The following RARS2 variants were observed in gnomAD, a reference collection of about 807,000 sequenced individuals.
RARS2 encodes the protein arginyl-tRNA synthetase 2, mitochondrial, also known as probable arginine--tRNA ligase, mitochondrial.
Under a neutral mutation model 88.5 loss-of-function variants are expected in RARS2, and 67 were observed. The ratio of observed to expected loss-of-function variants is 0.76; its 90% CI spans 0.62 to 0.93. RARS2 has a LOEUF of 0.93. Among genes scored for constraint, RARS2 ranks in the 40% least tolerant of loss-of-function variants. The probability of loss-of-function intolerance (pLI) is 0.00; values close to 1 mark genes in which losing one functional copy is unlikely to be tolerated. For missense variants in RARS2, 664 were observed against 684.2 expected, an observed-to-expected ratio of 0.97 and a Z score of 0.33; for synonymous variants, 239 against 230.3, an observed-to-expected ratio of 1.04 and a Z score of -0.34.
At chr6:87,579,830 G>A (rs987374529) in intron 1 of RARS2, among the ~76,000 whole-genome samples, 7 of 142,192 alleles carry the variant, frequency 4.9e-5, no homozygotes, top group East Asian at 2.2e-4. Flanking sequence ...GGGCTCAAGC[G>A]ATTCTCCTGT....
At chr6:87,530,640 C>CAAA in intron 9 of RARS2, 144 bp downstream of exon 9, 1 of 906,002 alleles carries the variant, frequency 1.1e-6, no homozygotes, top group Non-Finnish European at 1.6e-6. Flanking sequence ...TCTTTCAGCC[C>CAAA]AAAAAAAAAA....
chr6:87,554,703 C>A (rs997469615), intron 5 of RARS2, among the ~76,000 whole-genome samples: 1 of 152,148 alleles, frequency 6.6e-6, no homozygotes, highest in Non-Finnish European at 1.5e-5. Flanking sequence ...ATCCTCCCAC[C>A]TTGCCTTCCA....
At chr6:87,523,935 C>T (rs895108738) in intron 11 of RARS2, among the ~76,000 whole-genome samples, 4 of 151,896 alleles carry the variant, frequency 2.6e-5, no homozygotes, top group African/African-American at 4.8e-5. Context: ...AGGGAAATGT[C>T]GAAAAGTAAT....
At chr6:87,524,784 T>C (rs1246518468) in intron 10 of RARS2, 132 bp from the exon 11 acceptor site, 1 of 687,464 alleles carries the variant, frequency 1.5e-6, no homozygotes, top group African/African-American at 1.8e-5. Flanking sequence ...CAATTCAAGC[T>C]TTAATCAACA....
chr6:87,515,308 T>C (rs1172300007), intron 18 of RARS2, among the ~76,000 whole-genome samples: 1 of 152,128 alleles, frequency 6.6e-6, no homozygotes, highest in African/African-American at 2.4e-5. Flanking sequence ...GATCACAAGG[T>C]CAGGAGATCG....
intron 1 of RARS2, among the ~76,000 whole-genome samples, chr6:87,570,563 C>A (rs529754209): frequency 3.9e-5 from 6 of 152,004 alleles, no homozygotes; most frequent in African/African-American, 1.5e-4. Context: ...GGATTACAGA[C>A]GCACACCACC....
At chr6:87,532,233 A>G (rs1777763128) in intron 8 of RARS2, among the ~76,000 whole-genome samples, 1 of 152,208 alleles carries the variant, frequency 6.6e-6, no homozygotes, top group South Asian at 2.1e-4. Context: ...TCCCCCTAGA[A>G]AAGAGTTAAC....
At chr6:87,554,884 C>T (rs143375810) in intron 5 of RARS2, among the ~76,000 whole-genome samples, 2,520 of 152,088 alleles carry the variant, frequency 0.017, 41 homozygotes, top group Non-Finnish European at 0.025. Context: ...GGGCAGATCA[C>T]GAGGTCAGGA....
intron 2 of RARS2, chr6:87,564,657 G>A (rs921006710): frequency 7.4e-6 from 2 of 271,042 alleles, no homozygotes; most frequent in South Asian, 3.5e-5. Context: ...TGACAAGAGC[G>A]AAACTCTGTC....
At chr6:87,515,553 T>A (rs1250810012) in intron 18 of RARS2, among the ~76,000 whole-genome samples, 3 of 151,902 alleles carry the variant, frequency 2.0e-5, no homozygotes, top group Admixed American at 2.0e-4. Context: ...TCAATGTTAA[T>A]TTTACAAATA....
chr6:87,524,660 TTCGAAAAG>T lies in RARS2; in HGVS notation c.879-16_879-9del. On this transcript the variant is annotated splice_polypyrimidine_tract_variant and intron_variant, in intron 10 of 19. Transcript: ENST00000369536. ...ACTACAGCCGTTCCTTTTCTAGAAATTCGAAAAGGTAACTCTGAAGCAACATAATAAAT... is the reference window on the plus strand; with the variant it reads ...ACTACAGCCGTTCCTTTTCTAGAAATGTAACTCTGAAGCAACATAATAAAT... 6.3e-7 allele frequency: 1 copy of T among 1,581,362 alleles called. No individual in the cohort carries two copies. Among genetic ancestry groups the T allele is most frequent in the South Asian group, 1.1e-5 (1 of 90,442 alleles).
At chr6:87,547,020 A>G (rs886111637) in intron 6 of RARS2, among the ~76,000 whole-genome samples, 2 of 152,216 alleles carry the variant, frequency 1.3e-5, no homozygotes, top group African/African-American at 4.8e-5. Context: ...ATACTTTGGG[A>G]TGTTGGGAAA....
intron 1 of RARS2, among the ~76,000 whole-genome samples, chr6:87,586,161 C>T (rs1775087002): frequency 6.6e-6 from 1 of 152,064 alleles, no homozygotes; most frequent in South Asian, 2.1e-4. Context: ...CATCAGAAGG[C>T]TGTTGTAAGC....
chr6:87,514,902 G>C, intron 19 of RARS2, 55 bp downstream of exon 19: 3 of 1,400,260 alleles, frequency 2.1e-6, no homozygotes, highest in Non-Finnish European at 3.0e-6. Flanking sequence ...GACTGACTTA[G>C]TAATATTAGT....
chr6:87,549,389 A>G (rs1223202722), intron 5 of RARS2, among the ~76,000 whole-genome samples: 3 of 151,466 alleles, frequency 2.0e-5, no homozygotes, highest in Non-Finnish European at 4.4e-5. Context: ...AAATAAATAA[A>G]TAAATAAATA....
chr6:87,570,486 T>G, intron 1 of RARS2, among the ~76,000 whole-genome samples: 1 of 152,192 alleles, frequency 6.6e-6, no homozygotes, highest in East Asian at 1.9e-4. Context: ...TGACGTGATC[T>G]CGGCTCACTG....
intron 1 of RARS2, among the ~76,000 whole-genome samples, chr6:87,572,104 A>G (rs1769941114): frequency 6.6e-6 from 1 of 152,094 alleles, no homozygotes; most frequent in Non-Finnish European, 1.5e-5. Context: ...TCAGAAAAAA[A>G]AAAAAAAGGA....
chr6:87,576,002 G>A (rs1396747452), intron 1 of RARS2, among the ~76,000 whole-genome samples: 1 of 151,528 alleles, frequency 6.6e-6, no homozygotes, highest in Non-Finnish European at 1.5e-5. Context: ...GTTTCACCAT[G>A]TTGGCCAGAC....
Position 87,530,783 on chromosome 6 carries a change from C to A in RARS2, c.771+1G>T, listed in dbSNP as rs1011716245. On this transcript the variant is annotated splice_donor_variant, in intron 9 of 19. Coordinates refer to ENST00000369536, the MANE Select transcript of RARS2 (RefSeq NM_020320.5). LOFTEE classifies it high-confidence loss of function. ...AAGCAGAAGGGAGGGTCAACCAATA[C>A]CTTGTAAACCCGAATGTACTCTTCA... 2 of 1,613,998 alleles carry A rather than the reference C, an allele frequency of 1.2e-6. No individual in the cohort carries two copies. The highest frequency in any genetic ancestry group is 1.7e-6 in the Non-Finnish European group (2 of 1,179,988).
Sources: allele counts gnomAD v4.1 joint callset (sites outside exome capture counted in the v4.1 genomes callset), GRCh38; gene constraint gnomAD v4.1.1; transcripts MANE v1.5; gene names NCBI Gene and HGNC (gene_info 2026-07-23, HGNC 2026-07-21).